NACC2: variants seen among roughly 807,000 people sequenced by gnomAD.
The protein encoded by NACC2 is nucleus accumbens-associated protein 2.
In NACC2, 8 loss-of-function variants were observed where a neutral mutation model predicts 25.1. The ratio of observed to expected loss-of-function variants is 0.32; its 90% CI spans 0.19 to 0.57. The LOEUF (loss-of-function observed/expected upper bound fraction) is 0.57. Among genes scored for constraint, NACC2 ranks in the 20% least tolerant of loss-of-function variants. The probability of loss-of-function intolerance (pLI) is 0.89; values close to 1 mark genes in which losing one functional copy is unlikely to be tolerated. For synonymous variants in NACC2, 435 were observed against 294.7 expected, an observed-to-expected ratio of 1.48 and a Z score of -4.88; for missense variants, 644 against 650.2, an observed-to-expected ratio of 0.99 and a Z score of 0.10.
chr9:136,033,364 C>A (rs7036100), intron 2 of NACC2, among the ~76,000 whole-genome samples: 54,015 of 151,594 alleles, frequency 0.36, 10,424 homozygotes, highest in Non-Finnish European at 0.44. Flanking sequence ...GAACTTCTGG[C>A]CGGGCACGGT....
At position 136,018,535 on chromosome 9, in the gene NACC2, C is replaced by T. The variant is rs1289867742; in HGVS notation, c.887-2106G>A. ...CTGACACTCCCTCCCCAGGGACCCA[C>T]TGGCCCAGGATGAGCGTGGTACGCA... On this transcript the variant is annotated intron_variant, in intron 2 of 5. Coordinates refer to ENST00000277554, the MANE Select transcript of NACC2 (RefSeq NM_144653.5). This position sits in a 1 kb window ranked among gnomAD's most constrained non-coding sequence, Gnocchi z 4.4. Among the ~76,000 whole-genome samples, 1 of 152,110 alleles carries T rather than the reference C, an allele frequency of 6.6e-6. No homozygotes were observed. Among genetic ancestry groups the T allele is most frequent in the Admixed American group, 6.5e-5 (1 of 15,284 alleles).
rs1324430960 is a variant in NACC2, at chr9:136,016,249, T to C, written c.1051+16A>G. The C allele has an allele frequency of 1.9e-6, 3 of 1,611,684 alleles. No homozygotes were observed. The highest frequency in any genetic ancestry group is 3.3e-5 in the Admixed American group (2 of 59,970). Reference sequence around the variant, plus strand: ...AGGACATTTGCATACAATAGATGGGTGGGAGGCAGCCTCACCTGCCACCAG... The same window carrying C: ...AGGACATTTGCATACAATAGATGGGCGGGAGGCAGCCTCACCTGCCACCAG... On this transcript the variant is annotated intron_variant, in intron 3 of 5. Transcript: ENST00000277554.
chr9:136,062,949 C>T (rs2131172292), intron 1 of NACC2, among the ~76,000 whole-genome samples: 1 of 152,332 alleles, frequency 6.6e-6, no homozygotes, highest in South Asian at 2.1e-4. Context: ...TATACGTTCA[C>T]AGGACATCCC....
rs930177240 is a variant in NACC2 at position 136,050,045 on chromosome 9, G to A, written c.477C>T (p.Tyr159=). The change falls in exon 2 of 6, where the codon TAC becomes TAT. Residue 159 remains tyrosine, a synonymous_variant. Transcript: ENST00000277554. Reference sequence around the variant, plus strand: ...GGATGGGCACCGAGGGGGACACGACGTAGGGGGCCGCGGCGGCGGCGGCCG... The same window carrying A: ...GGATGGGCACCGAGGGGGACACGACATAGGGGGCCGCGGCGGCGGCGGCCG... The part of the protein sequence containing the change: ...LQPAAAAAAP[Y]VVSPSVPIPL... The A allele has an allele frequency of 2.4e-4, 174 of 720,296 alleles. 1 individual carries two copies. Among genetic ancestry groups the A allele is most frequent in the South Asian group, 2.1e-3 (141 of 66,576 alleles). The allele number at this position is 720,296 out of a possible 1,614,324, so 44.6% of individuals were successfully genotyped here. A position where few individuals can be genotyped will look rare whatever the true frequency, so the allele number is the denominator to read the frequency against.
rs925170762 is a variant in NACC2, at chr9:136,020,712, T to C, written c.887-4283A>G. ...CTGATTTTAAGACTTCCTGTACAGC[T>C]ACAGTCATGAAGCCTGCATGGTTCA... On this transcript the variant is annotated intron_variant, in intron 2 of 5. Transcript: ENST00000277554. The surrounding 1 kb of genome is among the most constrained non-coding windows in gnomAD (Gnocchi z 4.7). Among the ~76,000 whole-genome samples the C allele has an allele frequency of 6.6e-6, 1 of 152,186 alleles. No individual in the cohort carries two copies. Among genetic ancestry groups the C allele is most frequent in the Non-Finnish European group, 1.5e-5 (1 of 68,018 alleles).
chr9:136,079,193 C>T (rs1305636489), intron 1 of NACC2, among the ~76,000 whole-genome samples: 1 of 152,202 alleles, frequency 6.6e-6, no homozygotes, highest in Non-Finnish European at 1.5e-5. Context: ...GCTGAAGAGG[C>T]TGCAAGGTGC....
intron 2 of NACC2, among the ~76,000 whole-genome samples, chr9:136,030,332 G>A (rs890045956): frequency 9.2e-5 from 14 of 152,160 alleles, no homozygotes; most frequent in South Asian, 2.1e-4. Context: ...ACTGGAGGCC[G>A]GGCGCGGTGG....
In NACC2 at chr9:136,012,037, G is replaced by A; in HGVS notation, c.1256-13C>T. ...TTCTGACAGTACACTGTGAGGACGGGGCGGCGTGAGCTCAGCCACCTGCCT... is the reference window on the plus strand; with the variant it reads ...TTCTGACAGTACACTGTGAGGACGGAGCGGCGTGAGCTCAGCCACCTGCCT... On this transcript the variant is annotated splice_polypyrimidine_tract_variant and intron_variant, in intron 5 of 5. Transcript: ENST00000277554. 6.6e-7 allele frequency: 1 copy of A among 1,524,332 alleles called. No homozygotes were observed. The highest frequency in any genetic ancestry group is 8.8e-7 in the Non-Finnish European group (1 of 1,135,686). 94.4% of individuals were successfully genotyped at this position (1,524,332 alleles called of 1,614,324 possible). A position where few individuals can be genotyped will look rare whatever the true frequency, so the allele number is the denominator to read the frequency against.
At position 136,022,226 on chromosome 9, in the gene NACC2, GT is replaced by G. The variant is rs919627276; in HGVS notation, c.887-5798del. ...CCAGGTGGAAATGGTGAGGGGCAAT[GT>G]GGGGGCACCACAGACGGGTGACCAG... On this transcript the variant is annotated intron_variant, in intron 2 of 5. Coordinates refer to ENST00000277554, the MANE Select transcript of NACC2 (RefSeq NM_144653.5). The surrounding 1 kb of genome is among the most constrained non-coding windows in gnomAD (Gnocchi z 4.4). Among the ~76,000 whole-genome samples, 6 of 152,238 alleles carry G rather than the reference GT, an allele frequency of 3.9e-5. No homozygotes were observed. The highest frequency in any genetic ancestry group is 6.5e-5 in the Admixed American group (1 of 15,294).
chr9:136,036,781 T>C (rs1840560983), intron 2 of NACC2, among the ~76,000 whole-genome samples: 1 of 152,178 alleles, frequency 6.6e-6, no homozygotes. Flanking sequence ...GACAAAAACA[T>C]ACATTTAGTT....
At chr9:136,027,020 G>A (rs1177108539) in intron 2 of NACC2, among the ~76,000 whole-genome samples, 1 of 152,218 alleles carries the variant, frequency 6.6e-6, no homozygotes, top group African/African-American at 2.4e-5. Flanking sequence ...CCCAAGGTCA[G>A]GAGTTCAAGA....
At chr9:136,051,462 C>CGGGGCTG (rs956252592) in intron 1 of NACC2, among the ~76,000 whole-genome samples, 1 of 152,194 alleles carries the variant, frequency 6.6e-6, no homozygotes, top group Non-Finnish European at 1.5e-5. Flanking sequence ...GCCCGGACCC[C>CGGGGCTG]GGGGCTGGGA....
At chr9:136,050,622 C>A in intron 1 of NACC2, 42 bp from the exon 2 acceptor site, 3 of 686,544 alleles carry the variant, frequency 4.4e-6, no homozygotes, top group Non-Finnish European at 7.9e-6. Context: ...CTCCAGGTCA[C>A]GGGCTCCCCG....
At chr9:136,014,150 T>C (rs562843587) in intron 3 of NACC2, among the ~76,000 whole-genome samples, 181 bp from the exon 4 acceptor site, 1 of 152,060 alleles carries the variant, frequency 6.6e-6, no homozygotes, top group East Asian at 1.9e-4. Flanking sequence ...GGAGAGGCCA[T>C]GGCCAAGGCC....
intron 1 of NACC2, among the ~76,000 whole-genome samples, chr9:136,051,107 C>A (rs1840826741): frequency 6.6e-6 from 1 of 152,200 alleles, no homozygotes. Context: ...CGAGCAGCCT[C>A]GCAGAGGGCC....
At chr9:136,070,791 T>C (rs1841142034) in intron 1 of NACC2, among the ~76,000 whole-genome samples, 1 of 151,488 alleles carries the variant, frequency 6.6e-6, no homozygotes, top group African/African-American at 2.4e-5. Context: ...ATGAAACAGC[T>C]GGGTTTTTGA....
Position 136,079,908 on chromosome 9 carries a change from C to T in NACC2, c.-60+15281G>A, listed in dbSNP as rs577264430. On this transcript the variant is annotated intron_variant, in intron 1 of 5. Transcript: ENST00000277554. ...CTGTGGAAGGAGCCGCTAGCCCTGC[C>T]ACCTGTTCCCCAAGGAAAGCTTTTG... Among the ~76,000 whole-genome samples, 4 of 152,342 alleles carry T rather than the reference C, an allele frequency of 2.6e-5. No individual in the cohort carries two copies. In the East Asian group the frequency reaches 7.7e-4, roughly 29 times the overall value.
At chr9:136,079,224 A>C (rs1355452022) in intron 1 of NACC2, among the ~76,000 whole-genome samples, 1 of 152,156 alleles carries the variant, frequency 6.6e-6, no homozygotes, top group Non-Finnish European at 1.5e-5. Flanking sequence ...CCAGGGTGGG[A>C]ACTGCACTCT....
chr9:136,087,252 C>G (rs1002156777), intron 1 of NACC2, among the ~76,000 whole-genome samples: 1 of 152,206 alleles, frequency 6.6e-6, no homozygotes, highest in African/African-American at 2.4e-5. Context: ...TCCGGGCCTG[C>G]AGAACTGGGA....
Sources: gnomAD v4.1 joint callset for allele counts (sites outside exome capture counted in the v4.1 genomes callset) on GRCh38, gnomAD v4.1.1 for gene constraint, Gnocchi (gnomAD v3.1) non-coding constraint, MANE v1.5 for transcripts, NCBI Gene and HGNC (gene_info 2026-07-23, HGNC 2026-07-21) for gene names.